Variants in NYAP2 observed in about 807,000 individuals in gnomAD.
NYAP2 encodes the protein neuronal tyrosine-phosphorylated phosphoinositide-3-kinase adaptor 2, also known as neuronal tyrosine-phosphorylated phosphoinositide-3-kinase adapter 2.
NYAP2 carries 23 observed loss-of-function variants against 50.4 expected under a neutral mutation model. The observed-to-expected ratio is 0.46, with a 90% CI of 0.33 to 0.65. NYAP2 has a LOEUF of 0.65. NYAP2 is among the 30% of genes least tolerant of loss of function. The probability of loss-of-function intolerance (pLI) is 0.02; values close to 1 mark genes in which losing one functional copy is unlikely to be tolerated. For synonymous variants in NYAP2, 394 were observed against 365.2 expected (o/e 1.08, Z -0.90); for missense variants, 885 against 861.0 (o/e 1.03, Z -0.35).
At chr2:225,513,803 G>T in intron 4 of NYAP2, 131 bp downstream of exon 4, 1 of 593,558 alleles carries the variant, frequency 1.7e-6, no homozygotes, top group East Asian at 3.4e-5. Context: ...TCCCAGAAAA[G>T]AAGAATTGAG....
At chr2:225,441,841 T>C (rs1325244990) in intron 3 of NYAP2, among the ~76,000 whole-genome samples, 1 of 152,186 alleles carries the variant, frequency 6.6e-6, no homozygotes, top group Non-Finnish European at 1.5e-5. Context: ...ACAAGTTCAT[T>C]AGCTTTTCTA....
intron 3 of NYAP2, among the ~76,000 whole-genome samples, chr2:225,477,231 C>CTTTTTTTTTTTTT (rs11378712): frequency 9.1e-5 from 8 of 87,470 alleles, no homozygotes; most frequent in African/African-American, 3.3e-4. Flanking sequence ...GTCTCTATTT[C>CTTTTTTTTTTTTT]TTTTTTTTTT....
chr2:225,404,353 C>T (rs1311001948), intron 2 of NYAP2, among the ~76,000 whole-genome samples: 41 of 151,832 alleles, frequency 2.7e-4, no homozygotes. Context: ...TTTAATGTTT[C>T]TATGAATTCC....
the NYAP2 span, among the ~76,000 whole-genome samples, chr2:225,659,116 A>T: frequency 6.6e-6 from 1 of 152,170 alleles, no homozygotes; most frequent in African/African-American, 2.4e-5. Flanking sequence ...GTCTTGAACC[A>T]ATTGACAAAT....
chr2:225,692,904 C>T, the NYAP2 span, among the ~76,000 whole-genome samples: 2 of 151,818 alleles, frequency 1.3e-5, no homozygotes, highest in Admixed American at 1.3e-4. Flanking sequence ...TATATTTACA[C>T]ATATATGTGT....
chr2:225,449,601 C>CTTTTTTTTTTTTTTTTTTTTTTT (rs201552006), intron 3 of NYAP2, among the ~76,000 whole-genome samples: 1 of 96,310 alleles, frequency 1.0e-5, no homozygotes, highest in African/African-American at 4.4e-5. Flanking sequence ...CTCTCTTTCT[C>CTTTTTTTTTTTTTTTTTTTTTTT]TTTTTTTTTT....
chr2:225,512,900 T>C (rs934654756), intron 3 of NYAP2, among the ~76,000 whole-genome samples: 15 of 148,178 alleles, frequency 1.0e-4, no homozygotes, highest in Non-Finnish European at 2.1e-4. Flanking sequence ...TTCCTTCCTT[T>C]CCTTTCCTTT....
the NYAP2 span, among the ~76,000 whole-genome samples, chr2:225,671,675 T>C: frequency 1.3e-5 from 2 of 151,010 alleles, no homozygotes; most frequent in Non-Finnish European, 3.0e-5. Flanking sequence ...TTTAAGTTAC[T>C]TTTTTTTACC....
chr2:225,407,989 GTCTTCATCTCTCATAA>G (rs1452979043), intron 2 of NYAP2, among the ~76,000 whole-genome samples: 120 of 151,952 alleles, frequency 7.9e-4, no homozygotes, highest in African/African-American at 2.8e-3. Flanking sequence ...ATTATTTACA[GTCTTCATCTCTCATAA>G]TCTTCACATC....
intron 5 of NYAP2, among the ~76,000 whole-genome samples, chr2:225,596,957 T>G (rs995681926): frequency 6.6e-6 from 1 of 152,170 alleles, no homozygotes; most frequent in Non-Finnish European, 1.5e-5. Context: ...AGAATAAAAG[T>G]GTACCTTCAT....
chr2:225,488,734 A>C lies in NYAP2; in HGVS notation c.222-24637A>C, dbSNP rs535399110. On this transcript the variant is annotated intron_variant, in intron 3 of 6. Coordinates refer to ENST00000636099, the Ensembl canonical transcript of NYAP2. ...CCTTTGATAGGATTTTTATTTCCCA[A>C]ACTTCCTGAACAGGTGGGTTTCCCT... Among the ~76,000 whole-genome samples, 6 of 152,274 alleles carry C rather than the reference A, an allele frequency of 3.9e-5. No individual in the cohort carries two copies. In the East Asian group the frequency reaches 9.6e-4, roughly 24 times the overall value.
chr2:225,480,828 T>G (rs1012156457), intron 3 of NYAP2, among the ~76,000 whole-genome samples: 1 of 152,144 alleles, frequency 6.6e-6, no homozygotes, highest in Admixed American at 6.6e-5. Flanking sequence ...ACATTAAAAC[T>G]AGTTGTTTTA....
At chr2:225,688,664 A>G in the NYAP2 span, among the ~76,000 whole-genome samples, 3 of 152,202 alleles carry the variant, frequency 2.0e-5, no homozygotes, top group Admixed American at 6.5e-5. Flanking sequence ...CTCACATATA[A>G]TAAGTGATAA....
At chr2:225,525,830 A>T (rs548974578) in intron 4 of NYAP2, among the ~76,000 whole-genome samples, 1 of 152,308 alleles carries the variant, frequency 6.6e-6, no homozygotes, top group East Asian at 1.9e-4. Context: ...GGTAGGCAGA[A>T]TTCTAAGACG....
exon 6 of NYAP2, chr2:225,626,980 A>G (rs890407158): frequency 6.3e-7 from 1 of 1,587,520 alleles, no homozygotes; most frequent in Non-Finnish European, 8.6e-7. Flanking sequence ...TTGGACAACA[A>G]GGAAAGAGGC....
intron 3 of NYAP2, among the ~76,000 whole-genome samples, chr2:225,501,237 G>C (rs1056646410): frequency 6.6e-6 from 1 of 152,080 alleles, no homozygotes; most frequent in Non-Finnish European, 1.5e-5. Context: ...AAACATAACT[G>C]ATCTCATAAG....
chr2:225,499,382 C>T (rs562351839), intron 3 of NYAP2, among the ~76,000 whole-genome samples: 120 of 151,842 alleles, frequency 7.9e-4, no homozygotes, highest in Middle Eastern at 3.4e-3. Flanking sequence ...TGGCGCCATC[C>T]GCTCACTGCA....
chr2:225,484,192 A>T (rs1486553244), intron 3 of NYAP2, among the ~76,000 whole-genome samples: 1 of 152,218 alleles, frequency 6.6e-6, no homozygotes, highest in South Asian at 2.1e-4. Context: ...GCCAACAGCA[A>T]TTAAAGGCCT....
chr2:225,523,193 A>G (rs1237479921), intron 4 of NYAP2, among the ~76,000 whole-genome samples: 1 of 152,034 alleles, frequency 6.6e-6, no homozygotes. Context: ...AACGTTTTTT[A>G]AAAGACTATT....
Sources: allele counts gnomAD v4.1 joint callset (sites outside exome capture counted in the v4.1 genomes callset), GRCh38; gene constraint gnomAD v4.1.1; transcripts MANE v1.5; gene names NCBI Gene and HGNC (gene_info 2026-07-23, HGNC 2026-07-21).